The following VPS13A variants were observed in gnomAD, a reference collection of about 807,000 sequenced individuals.
VPS13A encodes intermembrane lipid transfer protein VPS13A.
In VPS13A, 264 loss-of-function variants were observed where a neutral mutation model predicts 390.9. The ratio of observed to expected loss-of-function variants is 0.68; its 90% CI spans 0.61 to 0.75. The LOEUF is 0.75. VPS13A is among the 30% of genes least tolerant of loss of function. The pLI is 0.00. For synonymous variants in VPS13A, 1,231 were observed against 1,227.1 expected, an observed-to-expected ratio of 1.00 and a Z score of -0.07; for missense variants, 3,409 against 3,733.9, an observed-to-expected ratio of 0.91 and a Z score of 2.27.
intron 42 of VPS13A, 32 bp downstream of exon 42, chr9:77,319,705 T>C (rs1829626292): frequency 9.2e-7 from 1 of 1,082,448 alleles, no homozygotes. Flanking sequence ...TGTGTATATA[T>C]ATATATATGT....
chr9:77,204,166 AT>A (rs1434110216), intron 3 of VPS13A, among the ~76,000 whole-genome samples: 2 of 152,208 alleles, frequency 1.3e-5, no homozygotes, highest in Non-Finnish European at 2.9e-5. Flanking sequence ...ATTTAAAAAA[AT>A]TTCCCAATCA....
chr9:77,373,810 T>G (rs1832926157), intron 67 of VPS13A, among the ~76,000 whole-genome samples: 1 of 151,532 alleles, frequency 6.6e-6, no homozygotes, highest in Admixed American at 6.6e-5. Context: ...AACAACCCCA[T>G]CAAAAAGTGG....
chr9:77,385,226 A>G (rs1484749859), intron 68 of VPS13A: 4 of 857,708 alleles, frequency 4.7e-6, no homozygotes, highest in South Asian at 1.1e-4. Context: ...CCCAAATCAT[A>G]TAGATTGAAC....
At chr9:77,312,192 T>G (rs996600627) in intron 35 of VPS13A, among the ~76,000 whole-genome samples, 5 of 152,144 alleles carry the variant, frequency 3.3e-5, no homozygotes, top group African/African-American at 1.2e-4. Flanking sequence ...AGAAAATGTT[T>G]AAATGTATAT....
intron 68 of VPS13A, chr9:77,382,419 T>C: frequency 7.0e-7 from 1 of 1,425,222 alleles, no homozygotes; most frequent in Non-Finnish European, 9.2e-7. Flanking sequence ...TATTGGTAAC[T>C]TTTAATAGGA....
chr9:77,352,390 C>T (rs753597269), intron 53 of VPS13A, among the ~76,000 whole-genome samples: 4 of 151,634 alleles, frequency 2.6e-5, no homozygotes, highest in East Asian at 1.9e-4. Context: ...TTCTCATTGT[C>T]TTTCAGTGCT....
intron 52 of VPS13A, among the ~76,000 whole-genome samples, chr9:77,346,385 C>T (rs1210717147): frequency 6.6e-6 from 1 of 151,894 alleles, no homozygotes; most frequent in Non-Finnish European, 1.5e-5. Context: ...TTTTTGTTTT[C>T]TTGCTGATTT....
intron 1 of VPS13A, among the ~76,000 whole-genome samples, chr9:77,190,036 G>A (rs1422415270): frequency 1.3e-5 from 2 of 152,240 alleles, no homozygotes; most frequent in South Asian, 2.1e-4. Context: ...GAATCATACC[G>A]TCTGCAAACA....
At position 77,313,979 on chromosome 9, in the gene VPS13A, T is replaced by G. The variant is rs368916206; in HGVS notation, c.4115-13T>G. On this transcript the variant is annotated splice_polypyrimidine_tract_variant and intron_variant, in intron 35 of 71. Transcript: ENST00000360280. Reference sequence around the variant, plus strand: ...GATATTTTCTTTTATTAAATAACTTTAATTTTTTCAAGGAGCAACTGTGGT... The same window carrying G: ...GATATTTTCTTTTATTAAATAACTTGAATTTTTTCAAGGAGCAACTGTGGT... 14 of 1,608,434 alleles carry G rather than the reference T, an allele frequency of 8.7e-6. No individual in the cohort carries two copies. Among genetic ancestry groups the G allele is most frequent in the Non-Finnish European group, 1.2e-5 (14 of 1,176,904 alleles).
rs773188655 is a variant in VPS13A, at chr9:77,368,061, A to AT, written c.8484dup (p.Glu2829Ter). 1.2e-6 allele frequency: 2 copies of AT among 1,611,728 alleles called. No individual in the cohort carries two copies. The highest frequency in any genetic ancestry group is 1.7e-6 in the Non-Finnish European group (2 of 1,179,204). On this transcript the variant is annotated frameshift_variant, in exon 62 of 72. Coordinates refer to ENST00000360280, the MANE Select transcript of VPS13A (RefSeq NM_033305.3). LOFTEE classifies it high-confidence loss of function. ...ATTTTTACGCTTTTTTCAGGCTTGC[A>AT]TTTTTTGAACTCAACTATCAGTTCC...
At chr9:77,384,947 T>A in intron 68 of VPS13A, 18 of 1,213,594 alleles carry the variant, frequency 1.5e-5, no homozygotes, top group Non-Finnish European at 1.9e-5. Flanking sequence ...AGTTTGTCTT[T>A]AAGAGTTCAA....
At position 77,220,175 on chromosome 9, in the gene VPS13A, T is replaced by C. The variant is rs1823112278; in HGVS notation, c.882+94T>C. 5.9e-6 allele frequency: 9 copies of C among 1,512,904 alleles called. No homozygotes were observed. In the Admixed American group the frequency reaches 7.4e-5, roughly 12 times the overall value. 93.7% of individuals were successfully genotyped at this position (1,512,904 alleles called of 1,614,324 possible). On this transcript the variant is annotated intron_variant, in intron 11 of 71. Transcript: ENST00000360280. Reference sequence around the variant, plus strand: ...TGTTTCACTAAAATTCATGATGTTATATGGTAGCATTTCCCTAAAAAGTCA... The same window carrying C: ...TGTTTCACTAAAATTCATGATGTTACATGGTAGCATTTCCCTAAAAAGTCA...
rs775894961 is a variant in VPS13A at position 77,317,694 on chromosome 9, T to C, written c.4952T>C (p.Leu1651Pro). Residue 1651 changes from leucine (L) to proline (P), a missense_variant, in exon 40 of 72, where the codon CTA becomes CCA. Leu to Pro is a moderately conservative substitution (Grantham distance 98). Coordinates refer to ENST00000360280, the MANE Select transcript of VPS13A (RefSeq NM_033305.3). ...GATATGTCAGTAAAATCCCTGACAC[T>C]AAAGGTAAATTAAAATATAATCATT... ...VIDMSVKSLT[L>P]KVSPVIINTM... 2 of 1,584,364 alleles carry C rather than the reference T, an allele frequency of 1.3e-6. No individual in the cohort carries two copies. Among genetic ancestry groups the C allele is most frequent in the Admixed American group, 3.4e-5 (2 of 58,778 alleles).
intron 53 of VPS13A, among the ~76,000 whole-genome samples, chr9:77,352,187 AAAAC>A (rs1308653909): frequency 7.9e-5 from 12 of 152,372 alleles, no homozygotes; most frequent in African/African-American, 2.2e-4. Context: ...TGAGTGAACT[AAAAC>A]AAACTTATTT....
At chr9:77,298,875 C>T (rs1283510428) in intron 33 of VPS13A, among the ~76,000 whole-genome samples, 1 of 152,142 alleles carries the variant, frequency 6.6e-6, no homozygotes, top group Non-Finnish European at 1.5e-5. Context: ...TGACTTGGCT[C>T]TCATCCTCTT....
intron 13 of VPS13A, among the ~76,000 whole-genome samples, chr9:77,225,447 T>C (rs1019919888): frequency 6.6e-6 from 1 of 152,138 alleles, no homozygotes; most frequent in Non-Finnish European, 1.5e-5. Flanking sequence ...GGTTTTGCAG[T>C]GTTGCCCAGG....
chr9:77,220,048 A>C lies in VPS13A; in HGVS notation c.849A>C (p.Leu283Phe). 1 of 1,611,800 alleles carries C rather than the reference A, an allele frequency of 6.2e-7. No homozygotes were observed. Among genetic ancestry groups the C allele is most frequent in the Non-Finnish European group, 8.5e-7 (1 of 1,178,104 alleles). Residue 283 changes from leucine to phenylalanine, a missense_variant, in exon 11 of 72, where the codon TTA (leucine) becomes TTC (phenylalanine). Physicochemically the swap from Leu to Phe is conservative, Grantham distance 22. This residue lies in a region of VPS13A where 2,717 missense variants were observed against 2,917.4 expected (regional missense o/e 0.93). Coordinates refer to ENST00000360280, the MANE Select transcript of VPS13A (RefSeq NM_033305.3). ...SAPKINLEIE[L>F]HNIAIEFNKP... Reference sequence around the variant, plus strand: ...CCAAAATAAACTTGGAAATTGAGTTACATAACATAGCAATTGAATTTAATA... The same window carrying C: ...CCAAAATAAACTTGGAAATTGAGTTCCATAACATAGCAATTGAATTTAATA...
At chr9:77,410,294 A>G (rs1203665648) in intron 71 of VPS13A, among the ~76,000 whole-genome samples, 1 of 152,186 alleles carries the variant, frequency 6.6e-6, no homozygotes, top group Non-Finnish European at 1.5e-5. Context: ...TCCTGAAGGA[A>G]GCACTAGACA....
intron 33 of VPS13A, among the ~76,000 whole-genome samples, chr9:77,297,554 A>G (rs947301143): frequency 7.9e-5 from 12 of 151,548 alleles, no homozygotes; most frequent in African/African-American, 2.9e-4. Context: ...AACTATTTTT[A>G]AGTCAATTTT....
Sources: allele counts gnomAD v4.1 joint callset (sites outside exome capture counted in the v4.1 genomes callset), GRCh38; gene constraint gnomAD v4.1.1; regional missense constraint gnomAD v4.1.1; transcripts MANE v1.5; gene names NCBI Gene and HGNC (gene_info 2026-07-23, HGNC 2026-07-21).